Variants in STRIP2 observed in about 807,000 individuals in gnomAD.
STRIP2 encodes the protein striatin interacting protein 2, also known as striatin-interacting protein 2.
Under a neutral mutation model 107.1 loss-of-function variants are expected in STRIP2, and 84 were observed. The observed-to-expected ratio is 0.78, with a 90% CI of 0.66 to 0.94. The LOEUF (loss-of-function observed/expected upper bound fraction) is 0.94, where lower values mean the gene tolerates loss of function less well. STRIP2 is among the 40% of genes least tolerant of loss of function. The pLI is 0.00. For synonymous variants in STRIP2, 394 were observed against 400.4 expected, an observed-to-expected ratio of 0.98 and a Z score of 0.19; for missense variants, 888 against 1,034.2, an observed-to-expected ratio of 0.86 and a Z score of 1.94.
At chr7:129,444,370 T>C (rs190738173) in intron 3 of STRIP2, among the ~76,000 whole-genome samples, 23 of 152,256 alleles carry the variant, frequency 1.5e-4, no homozygotes, top group African/African-American at 4.8e-4. Flanking sequence ...ACTGAAGAAC[T>C]TGGAGTCCGA....
chr7:129,450,449 A>G (rs551123748), intron 3 of STRIP2, among the ~76,000 whole-genome samples: 23 of 152,256 alleles, frequency 1.5e-4, no homozygotes, highest in African/African-American at 5.3e-4. Context: ...CCCATCTTCA[A>G]CTTTGCCCTA....
intron 13 of STRIP2, 108 bp downstream of exon 13, chr7:129,460,480 T>C (rs1798502825): frequency 2.2e-6 from 2 of 920,876 alleles, no homozygotes; most frequent in South Asian, 2.9e-5. Flanking sequence ...GCTGTAACTG[T>C]GTTCCAGGCA....
chr7:129,462,914 C>G (rs1191538850), intron 13 of STRIP2, 52 bp from the exon 14 acceptor site: 4 of 1,511,130 alleles, frequency 2.6e-6, no homozygotes, highest in Non-Finnish European at 2.7e-6. Flanking sequence ...GAAAAAAAAG[C>G]CTTTGGTCAC....
chr7:129,481,834 C>T (rs1799124076), intron 19 of STRIP2, among the ~76,000 whole-genome samples: 1 of 152,044 alleles, frequency 6.6e-6, no homozygotes, highest in Non-Finnish European at 1.5e-5. Context: ...AGGTATAGAA[C>T]AGTGTGGCAG....
intron 3 of STRIP2, among the ~76,000 whole-genome samples, chr7:129,444,650 C>T (rs537332713): frequency 6.6e-6 from 1 of 152,094 alleles, no homozygotes; most frequent in African/African-American, 2.4e-5. Context: ...ATCGCAAGTC[C>T]ACCCCTTGTC....
chr7:129,466,547 G>C (rs55832716), intron 16 of STRIP2, among the ~76,000 whole-genome samples: 8,024 of 152,164 alleles, frequency 0.053, 267 homozygotes, highest in South Asian at 0.13. Flanking sequence ...TCTGGATCTG[G>C]AGATAAACTG....
At chr7:129,473,797 A>G (rs1383236400) in intron 18 of STRIP2, among the ~76,000 whole-genome samples, 1 of 151,844 alleles carries the variant, frequency 6.6e-6, no homozygotes, top group African/African-American at 2.4e-5. Flanking sequence ...GGCTCACTGC[A>G]ACCTCTGCCT....
intron 3 of STRIP2, among the ~76,000 whole-genome samples, chr7:129,447,627 G>A (rs1176980442): frequency 6.6e-6 from 1 of 152,210 alleles, no homozygotes; most frequent in African/African-American, 2.4e-5. Flanking sequence ...ATACCTCTGG[G>A]GTAGGACAGT....
In STRIP2 at chr7:129,461,322, G is replaced by A. The variant is rs899179629; in HGVS notation, c.1476+950G>A. Among the ~76,000 whole-genome samples the A allele has an allele frequency of 6.6e-6, 1 of 152,206 alleles. No individual in the cohort carries two copies. The highest frequency in any genetic ancestry group is 2.4e-5 in the African/African-American group (1 of 41,456). ...GAATTCTACAGAGAGGGCTGACTTT[G>A]AGAAATAAATTCGGGAGTTGTTTGT... is the stretch of plus-strand genomic sequence containing the variant. On this transcript the variant is annotated intron_variant, in intron 13 of 20. Coordinates refer to ENST00000249344, the MANE Select transcript of STRIP2 (RefSeq NM_020704.3). This position sits in a 1 kb window ranked among gnomAD's most constrained non-coding sequence, Gnocchi z 4.0.
Position 129,464,870 on chromosome 7 carries a change from T to G in STRIP2, c.1776+132T>G, listed in dbSNP as rs1453802794. The G allele has an allele frequency of 2.5e-6, 3 of 1,206,710 alleles. No homozygotes were observed. In the African/African-American group the frequency reaches 4.5e-5, roughly 18 times the overall value. 74.8% of individuals were successfully genotyped at this position (1,206,710 alleles called of 1,614,324 possible). On this transcript the variant is annotated intron_variant, in intron 16 of 20. Transcript: ENST00000249344. ...CTTTTCTTTGTCCTCTCTCAGGGAA[T>G]CCAGCCACCCATTGCATGAGCTTGA... is the stretch of plus-strand genomic sequence containing the variant.
chr7:129,434,647 G>A, intron 1 of STRIP2, 46 bp downstream of exon 1: 1 of 1,430,544 alleles, frequency 7.0e-7, no homozygotes, highest in Non-Finnish European at 9.1e-7. Context: ...GACGCCCGCC[G>A]GCGGGAAGCG....
At chr7:129,457,489 A>T (rs1798398225) in intron 9 of STRIP2, among the ~76,000 whole-genome samples, 1 of 152,244 alleles carries the variant, frequency 6.6e-6, no homozygotes, top group Non-Finnish European at 1.5e-5. Flanking sequence ...GGTCAGAATG[A>T]AAAGTTATAC....
chr7:129,441,084 G>T (rs1008615787), intron 2 of STRIP2, among the ~76,000 whole-genome samples: 5 of 151,914 alleles, frequency 3.3e-5, no homozygotes, highest in African/African-American at 4.8e-5. Context: ...GAATATAAAT[G>T]GGAATTTATA....
chr7:129,485,455 C>T (rs201366225), intron 20 of STRIP2, 124 bp from the exon 21 acceptor site: 475 of 770,592 alleles, frequency 6.2e-4, no homozygotes, highest in Non-Finnish European at 8.0e-4. Flanking sequence ...TTGCTCTTTA[C>T]AAAAAAAAAA....
Position 129,485,649 on chromosome 7 carries a change from C to G in STRIP2, c.2325C>G (p.Asn775Lys). Reference protein sequence around the residue: ...CTLRANIEAFNSRRYDRPQDS... With the variant: ...CTLRANIEAFKSRRYDRPQDS... ...TGAGGGCCAACATTGAGGCTTTTAA[C>G]AGCCGTCGCTATGACAGACCCCAGG... Residue 775 changes from asparagine (N) to lysine (K), a missense_variant, in exon 21 of 21, where the codon AAC (asparagine) becomes AAG (lysine). Asn to Lys is a moderately conservative substitution (Grantham distance 94). Transcript: ENST00000249344. The G allele has an allele frequency of 6.2e-7, 1 of 1,613,982 alleles. No individual in the cohort carries two copies. The highest frequency in any genetic ancestry group is 8.5e-7 in the Non-Finnish European group (1 of 1,180,020).
intron 3 of STRIP2, among the ~76,000 whole-genome samples, chr7:129,450,858 A>T (rs577411532): frequency 1.3e-5 from 2 of 150,374 alleles, no homozygotes; most frequent in East Asian, 4.0e-4. Flanking sequence ...GCTGTGTCAG[A>T]AAAGTTTTAA....
chr7:129,477,709 T>C (rs1799008442), intron 18 of STRIP2, among the ~76,000 whole-genome samples: 1 of 152,242 alleles, frequency 6.6e-6, no homozygotes, highest in Admixed American at 6.5e-5. Flanking sequence ...AGAGAATTAT[T>C]CTATAATGGT....
At position 129,458,039 on chromosome 7, in the gene STRIP2, G is replaced by A. The variant is rs1377216895; in HGVS notation, c.1039-176G>A. The A allele has an allele frequency of 1.5e-6, 1 of 664,320 alleles. No homozygotes were observed. The highest frequency in any genetic ancestry group is 2.8e-6 in the Non-Finnish European group (1 of 363,474). 41.2% of individuals were successfully genotyped at this position (664,320 alleles called of 1,614,324 possible). A position where few individuals can be genotyped will look rare whatever the true frequency, so the allele number is the denominator to read the frequency against. Reference sequence around the variant, plus strand: ...GGGTTACCTGAGAACTTCTTGTCCTGTTATTGGGCCGGGTGGGGACAGTAG... The same window carrying A: ...GGGTTACCTGAGAACTTCTTGTCCTATTATTGGGCCGGGTGGGGACAGTAG... On this transcript the variant is annotated intron_variant, in intron 9 of 20. Coordinates refer to ENST00000249344, the MANE Select transcript of STRIP2 (RefSeq NM_020704.3). This position sits in a 1 kb window ranked among gnomAD's most constrained non-coding sequence, Gnocchi z 4.6.
At chr7:129,471,185 A>G (rs1298703431) in intron 18 of STRIP2, among the ~76,000 whole-genome samples, 1 of 152,204 alleles carries the variant, frequency 6.6e-6, no homozygotes, top group Non-Finnish European at 1.5e-5. Flanking sequence ...CTATATAGCC[A>G]CAAAAGGATA....
Sources: allele counts gnomAD v4.1 joint callset (sites outside exome capture counted in the v4.1 genomes callset), GRCh38; gene constraint gnomAD v4.1.1; non-coding constraint Gnocchi (gnomAD v3.1); transcripts MANE v1.5; gene names NCBI Gene and HGNC (gene_info 2026-07-23, HGNC 2026-07-21).